Variants in ARFGEF1 observed in about 807,000 individuals in gnomAD.
ARFGEF1 encodes the protein brefeldin A-inhibited guanine nucleotide-exchange protein 1.
A neutral mutation model predicts 231.0 loss-of-function variants in ARFGEF1; 42 were observed. The observed-to-expected ratio is 0.18, with a 90% confidence interval of 0.14 to 0.24. The LOEUF is 0.24. ARFGEF1 is among the 10% of genes least tolerant of loss of function. The pLI is 1.00. For synonymous variants in ARFGEF1, 710 were observed against 732.3 expected (o/e 0.97, Z 0.49); for missense variants, 1,345 against 2,192.0 (o/e 0.61, Z 7.72).
At chr8:67,314,843 G>A (rs545863019) in intron 1 of ARFGEF1, among the ~76,000 whole-genome samples, 13 of 152,052 alleles carry the variant, frequency 8.5e-5, no homozygotes, top group East Asian at 1.9e-4. Flanking sequence ...AAAAGCAGTC[G>A]GGGCAACGTA....
At chr8:67,244,337 G>T (rs1840038676) in intron 19 of ARFGEF1, among the ~76,000 whole-genome samples, 1 of 122,246 alleles carries the variant, frequency 8.2e-6, no homozygotes, top group Non-Finnish European at 1.6e-5. Flanking sequence ...TTTTTTTGAG[G>T]ATCTCACTCT....
intron 29 of ARFGEF1, 130 bp from the exon 30 acceptor site, chr8:67,219,690 T>C (rs1000991216): frequency 1.0e-6 from 1 of 958,280 alleles, no homozygotes; most frequent in African/African-American, 1.7e-5. Context: ...CACATGACAC[T>C]GGGTTTTAAA....
chr8:67,266,021 T>A lies in ARFGEF1; in HGVS notation c.2108A>T (p.Glu703Val), dbSNP rs1804836718. ...EVLKQQKEII[E>V]QGIDLFNKKP... is the part of the protein sequence containing the mutation. ...TGACACTTACAAATCTATCCCTTGT[T>A]CTATTATTTCTTTTTGTTGCTTTAG... The change falls in exon 14 of 39, where the codon GAA becomes GTA. Residue 703 changes from glutamate to valine, a missense_variant. Coordinates refer to ENST00000262215, the MANE Select transcript of ARFGEF1 (RefSeq NM_006421.5). 1.9e-6 allele frequency: 3 copies of A among 1,613,520 alleles called. No individual in the cohort carries two copies. The highest frequency in any genetic ancestry group is 2.5e-6 in the Non-Finnish European group (3 of 1,179,676).
intron 7 of ARFGEF1, among the ~76,000 whole-genome samples, chr8:67,280,125 T>C (rs1805474865): frequency 6.6e-6 from 1 of 152,226 alleles, no homozygotes; most frequent in Admixed American, 6.5e-5. Flanking sequence ...TTATTGCCTA[T>C]GACTGAACAC....
chr8:67,198,677 A>G lies in ARFGEF1; in HGVS notation c.*257T>C, dbSNP rs1838199574. The G allele has an allele frequency of 1.7e-6, 2 of 1,178,256 alleles. No individual in the cohort carries two copies. The highest frequency in any genetic ancestry group is 1.0e-6 in the Non-Finnish European group (1 of 952,384). 73.0% of individuals were successfully genotyped at this position (1,178,256 alleles called of 1,614,324 possible). ...TGGGGCTTTTCCTGCCGTGGAAGAC[A>G]GGGAAGGACCCGTGAGCATGAGCTG... On this transcript the variant is annotated 3_prime_UTR_variant, in exon 39 of 39. Coordinates refer to ENST00000262215, the MANE Select transcript of ARFGEF1 (RefSeq NM_006421.5).
intron 7 of ARFGEF1, among the ~76,000 whole-genome samples, chr8:67,281,166 A>AT (rs1805518590): frequency 6.6e-6 from 1 of 152,188 alleles, no homozygotes; most frequent in South Asian, 2.1e-4. Flanking sequence ...TTCTCGTTGA[A>AT]TGTAAAACCC....
chr8:67,223,985 G>A (rs939253244), intron 29 of ARFGEF1, among the ~76,000 whole-genome samples: 2 of 152,026 alleles, frequency 1.3e-5, no homozygotes, highest in South Asian at 2.1e-4. Context: ...TATTTCATAC[G>A]AATTTCTGTT....
At chr8:67,282,788 C>A (rs1254189206) in intron 7 of ARFGEF1, among the ~76,000 whole-genome samples, 5 of 149,408 alleles carry the variant, frequency 3.3e-5, no homozygotes, top group Admixed American at 6.7e-5. Flanking sequence ...GCAGAGTTTG[C>A]AGTGAGCCAA....
intron 1 of ARFGEF1, among the ~76,000 whole-genome samples, chr8:67,317,708 C>T (rs1373382212): frequency 1.4e-5 from 2 of 147,978 alleles, no homozygotes; most frequent in Non-Finnish European, 3.0e-5. Flanking sequence ...GTCGGGAGTT[C>T]GAGACCAGCC....
At chr8:67,239,030 A>T in intron 20 of ARFGEF1, 137 bp from the exon 21 acceptor site, 7 of 693,422 alleles carry the variant, frequency 1.0e-5, no homozygotes, top group Non-Finnish European at 1.5e-5. Context: ...TTTTTGAGAC[A>T]GAGTCTCACC....
At chr8:67,190,700 C>T (rs746969161) in intron 5 of ARFGEF1, 1 of 1,614,106 alleles carries the variant, frequency 6.2e-7, no homozygotes, top group East Asian at 2.2e-5. Flanking sequence ...CCTCCCTCCA[C>T]CATCACAGTT....
At chr8:67,201,986 G>A (rs1280242918) in intron 36 of ARFGEF1, 3 of 214,328 alleles carry the variant, frequency 1.4e-5, no homozygotes, top group Admixed American at 1.3e-4. Flanking sequence ...TGGACACAAG[G>A]AGGCTCTATC....
chr8:67,268,214 T>A (rs1226558079), intron 10 of ARFGEF1, among the ~76,000 whole-genome samples: 2 of 152,208 alleles, frequency 1.3e-5, no homozygotes, highest in African/African-American at 4.8e-5. Flanking sequence ...ACCCCTGTAA[T>A]GTGATTTTCT....
intron 5 of ARFGEF1, chr8:67,190,761 T>A (rs527372531): frequency 6.3e-7 from 1 of 1,592,982 alleles, no homozygotes; most frequent in Middle Eastern, 1.7e-4. Context: ...CTAGACATTG[T>A]ATGTATGAGA....
chr8:67,258,426 G>A (rs1840531242), intron 15 of ARFGEF1, 136 bp from the exon 16 acceptor site: 3 of 610,224 alleles, frequency 4.9e-6, no homozygotes, highest in Non-Finnish European at 8.3e-6. Flanking sequence ...CCAGGTTCAA[G>A]CGATTCTCCT....
At chr8:67,184,843 T>C (rs1314668524) in intron 5 of ARFGEF1, among the ~76,000 whole-genome samples, 3 of 147,992 alleles carry the variant, frequency 2.0e-5, no homozygotes, top group African/African-American at 7.4e-5. Context: ...CTCAAGCCTG[T>C]AATCCCAGCA....
chr8:67,251,524 AT>A, intron 18 of ARFGEF1, 74 bp from the exon 19 acceptor site: 3 of 1,338,968 alleles, frequency 2.2e-6, no homozygotes, highest in Non-Finnish European at 3.0e-6. Flanking sequence ...TTACTATCAA[AT>A]AATAAACACC....
chr8:67,281,685 A>G (rs1236302656), intron 7 of ARFGEF1, among the ~76,000 whole-genome samples: 2 of 152,120 alleles, frequency 1.3e-5, no homozygotes, highest in African/African-American at 2.4e-5. Flanking sequence ...TCACTTAGAA[A>G]AAATAGCCAA....
intron 5 of ARFGEF1, among the ~76,000 whole-genome samples, chr8:67,189,804 AT>A (rs1355673621): frequency 1.3e-5 from 2 of 152,200 alleles, no homozygotes; most frequent in African/African-American, 4.8e-5. Context: ...ACTAATGGTG[AT>A]TCTAAGTATT....
Sources: allele counts gnomAD v4.1 joint callset (sites outside exome capture counted in the v4.1 genomes callset), GRCh38; gene constraint gnomAD v4.1.1; transcripts MANE v1.5; gene names NCBI Gene and HGNC (gene_info 2026-07-23, HGNC 2026-07-21).